ROCK1: variants seen among roughly 807,000 people sequenced by gnomAD.
ROCK1 encodes the protein Rho associated coiled-coil containing protein kinase 1, also known as rho-associated protein kinase 1.
A neutral mutation model predicts 196.8 loss-of-function variants in ROCK1; 36 were observed. That is an observed-to-expected ratio of 0.18 (90% confidence interval 0.14 to 0.24). The LOEUF (loss-of-function observed/expected upper bound fraction) is 0.24, where lower values mean the gene tolerates loss of function less well. ROCK1 is among the 10% of genes least tolerant of loss of function. The pLI is 1.00. For missense variants in ROCK1, 920 were observed against 1,562.0 expected, an observed-to-expected ratio of 0.59 and a Z score of 6.93; for synonymous variants, 443 against 515.9, an observed-to-expected ratio of 0.86 and a Z score of 1.91.
chr18:21,069,780 A>G (rs187141917), intron 2 of ROCK1, among the ~76,000 whole-genome samples: 1 of 152,130 alleles, frequency 6.6e-6, no homozygotes, highest in Non-Finnish European at 1.5e-5. Context: ...GGACATGAGA[A>G]ATAATTAAAA....
At chr18:21,017,553 G>A (rs1039488734) in intron 12 of ROCK1, among the ~76,000 whole-genome samples, 1 of 152,116 alleles carries the variant, frequency 6.6e-6, no homozygotes, top group African/African-American at 2.4e-5. Flanking sequence ...CTTGTGGAGA[G>A]GGGCCATGTC....
At chr18:20,951,785 G>A (rs180765607) in intron 32 of ROCK1, among the ~76,000 whole-genome samples, 1 of 152,306 alleles carries the variant, frequency 6.6e-6, no homozygotes, top group Non-Finnish European at 1.5e-5. Context: ...CAAAAGGGAT[G>A]AATTCAAGAT....
intron 1 of ROCK1, among the ~76,000 whole-genome samples, chr18:21,105,545 G>T (rs1174562197): frequency 6.6e-6 from 1 of 152,162 alleles, no homozygotes; most frequent in Admixed American, 6.5e-5. Context: ...GGATTAGACA[G>T]CAATAATCCA....
At chr18:21,060,839 CAAAAA>C (rs930819259) in intron 2 of ROCK1, among the ~76,000 whole-genome samples, 3 of 44,802 alleles carry the variant, frequency 6.7e-5, no homozygotes, top group African/African-American at 2.2e-4. Context: ...AACTCCATCT[CAAAAA>C]AAAAAAAAAA....
chr18:21,095,636 T>C (rs867610566), intron 1 of ROCK1, among the ~76,000 whole-genome samples: 1 of 151,836 alleles, frequency 6.6e-6, no homozygotes, highest in Non-Finnish European at 1.5e-5. Context: ...CATTCATTTG[T>C]GGGATCTAAA....
At chr18:21,012,656 A>G (rs549755283) in intron 13 of ROCK1, among the ~76,000 whole-genome samples, 2 of 152,146 alleles carry the variant, frequency 1.3e-5, no homozygotes, top group Non-Finnish European at 2.9e-5. Flanking sequence ...GCTTCTTGGT[A>G]GTTCATGTCT....
At chr18:21,106,754 G>C (rs1466598086) in intron 1 of ROCK1, among the ~76,000 whole-genome samples, 1 of 152,108 alleles carries the variant, frequency 6.6e-6, no homozygotes, top group Non-Finnish European at 1.5e-5. Flanking sequence ...ACAAGTGAAT[G>C]GTTATCATAA....
intron 1 of ROCK1, among the ~76,000 whole-genome samples, chr18:21,094,309 A>G (rs2036594684): frequency 6.6e-6 from 1 of 152,244 alleles, no homozygotes; most frequent in Non-Finnish European, 1.5e-5. Context: ...TCTTTTTTAA[A>G]GAATCAACAA....
intron 1 of ROCK1, among the ~76,000 whole-genome samples, chr18:21,078,347 C>CAA (rs201692153): frequency 1.3e-3 from 185 of 142,338 alleles, no homozygotes; most frequent in African/African-American, 4.8e-3. Flanking sequence ...CACCTACACA[C>CAA]ACACACACAC....
chr18:21,046,132 G>T (rs921186903), intron 4 of ROCK1, among the ~76,000 whole-genome samples: 1 of 151,854 alleles, frequency 6.6e-6, no homozygotes, highest in Admixed American at 6.6e-5. Context: ...GGATGGTCTC[G>T]ATCTCCTGAC....
chr18:21,087,504 T>C (rs970686279), intron 1 of ROCK1, among the ~76,000 whole-genome samples: 13 of 151,838 alleles, frequency 8.6e-5, no homozygotes, highest in African/African-American at 2.9e-4. Flanking sequence ...CAAATATTAA[T>C]CAAAAGAAAG....
Position 21,038,637 on chromosome 18 carries a change from T to C in ROCK1, c.1051+835A>G, listed in dbSNP as rs1004077118. Among the ~76,000 whole-genome samples, 15 of 152,362 alleles carry C rather than the reference T, an allele frequency of 9.8e-5. 1 individual carries two copies. The highest frequency in any genetic ancestry group is 8.5e-4 in the Admixed American group (13 of 15,306). Reference sequence around the variant, plus strand: ...GGCAGTCCTTAAGACAAATAACTACTGTGTAACTTTCTAAAATAAGGTAGC... The same window carrying C: ...GGCAGTCCTTAAGACAAATAACTACCGTGTAACTTTCTAAAATAAGGTAGC... On this transcript the variant is annotated intron_variant, in intron 9 of 32. Transcript: ENST00000399799.
chr18:20,955,332 A>G (rs1160342224), intron 29 of ROCK1, 87 bp from the exon 30 acceptor site: 2 of 946,612 alleles, frequency 2.1e-6, no homozygotes, highest in Non-Finnish European at 3.1e-6. Flanking sequence ...GGTGATAAAT[A>G]AGCACACAAA....
chr18:21,058,942 T>C (rs1159845730), intron 2 of ROCK1, among the ~76,000 whole-genome samples: 1 of 152,164 alleles, frequency 6.6e-6, no homozygotes, highest in Admixed American at 6.5e-5. Flanking sequence ...TCTAGGAAGA[T>C]GTGCTACATT....
At chr18:21,000,284 C>T (rs1252964770) in intron 16 of ROCK1, among the ~76,000 whole-genome samples, 1 of 150,762 alleles carries the variant, frequency 6.6e-6, no homozygotes, top group Non-Finnish European at 1.5e-5. Flanking sequence ...TTTTTGGAGA[C>T]AGGGTCTCAC....
chr18:20,951,318 T>C lies in ROCK1; in HGVS notation c.*66A>G, dbSNP rs770093483. ...AAAGAAACAGCCTGTCTGCTCTGCA[T>C]GGTTAAAGAAGCCTGGTTTATCAGG... On this transcript the variant is annotated 3_prime_UTR_variant, in exon 33 of 33. Coordinates refer to ENST00000399799, the MANE Select transcript of ROCK1 (RefSeq NM_005406.3). 6.7e-6 allele frequency: 10 copies of C among 1,482,542 alleles called. No homozygotes were observed. Among genetic ancestry groups the C allele is most frequent in the Middle Eastern group, 1.8e-4 (1 of 5,692 alleles). 91.8% of individuals were successfully genotyped at this position (1,482,542 alleles called of 1,614,324 possible).
rs763206706 is a variant in ROCK1, at chr18:20,979,942, A to G, written c.2622T>C (p.Asn874=). The part of the protein sequence containing the change: ...KEEIEEKNRE[N]LKKIQELQNE... ...TTTGTAGTTCCTGTATTTTCTTTAA[A>G]TTTTCTCTGTTTTTTTCTTCAATTT... Residue 874 remains asparagine (N), a synonymous_variant, in exon 22 of 33, where the codon AAT becomes AAC. Transcript: ENST00000399799. 9.7e-6 allele frequency: 15 copies of G among 1,545,532 alleles called. No individual in the cohort carries two copies. In the Admixed American group the frequency reaches 1.4e-4, roughly 15 times the overall value.
In ROCK1 at chr18:20,967,732, T is replaced by C. The variant is rs1483079438; in HGVS notation, c.3192+20A>G. On this transcript the variant is annotated intron_variant, in intron 26 of 32. Transcript: ENST00000399799. ...AAATAATCCTTCACACTCATATCCATACACACACAGAAACCTTACCGCTTG... is the reference window on the plus strand; with the variant it reads ...AAATAATCCTTCACACTCATATCCACACACACACAGAAACCTTACCGCTTG... 6.5e-7 allele frequency: 1 copy of C among 1,547,976 alleles called. No individual in the cohort carries two copies. Among genetic ancestry groups the C allele is most frequent in the Non-Finnish European group, 8.8e-7 (1 of 1,142,478 alleles).
chr18:21,077,214 C>A (rs1454357014), intron 1 of ROCK1, among the ~76,000 whole-genome samples: 1 of 151,622 alleles, frequency 6.6e-6, no homozygotes, highest in Non-Finnish European at 1.5e-5. Flanking sequence ...ACCTCATGAT[C>A]CACCCGCCTC....
Sources: gnomAD v4.1 joint callset for allele counts (sites outside exome capture counted in the v4.1 genomes callset) on GRCh38, gnomAD v4.1.1 for gene constraint, MANE v1.5 for transcripts, NCBI Gene and HGNC (gene_info 2026-07-23, HGNC 2026-07-21) for gene names.